SLC2A13: variants seen among roughly 807,000 people sequenced by gnomAD.
SLC2A13 encodes proton myo-inositol cotransporter.
In SLC2A13, 32 loss-of-function variants were observed where a neutral mutation model predicts 64.4. That is an observed-to-expected ratio of 0.50 (90% CI 0.37 to 0.67). The LOEUF is 0.67. SLC2A13 is among the 30% of genes least tolerant of loss of function. The pLI is 0.00. For synonymous variants in SLC2A13, 338 were observed against 327.1 expected (o/e 1.03, Z -0.36); for missense variants, 743 against 829.2 (o/e 0.90, Z 1.28).
Position 39,945,916 on chromosome 12 carries a change from G to A in SLC2A13, c.1034+5341C>T, listed in dbSNP as rs372207948. ...TGAATTAGCGTGATTTTTTGTGGGG[G>A]GGTGTTGAAGAGCCTTGTTTTGTCA... On this transcript the variant is annotated intron_variant, in intron 4 of 9. Coordinates refer to ENST00000280871, the MANE Select transcript of SLC2A13 (RefSeq NM_052885.4). 3.4e-3 allele frequency among the ~76,000 whole-genome samples: 521 copies of A among 151,844 alleles called. 3 individuals carry two copies. The highest frequency in any genetic ancestry group is 0.027 in the Middle Eastern group (8 of 292).
At chr12:39,792,498 A>G (rs1941437409) in intron 7 of SLC2A13, among the ~76,000 whole-genome samples, 1 of 152,150 alleles carries the variant, frequency 6.6e-6, no homozygotes, top group African/African-American at 2.4e-5. Context: ...GATAAGAGAC[A>G]CTGCAAGTCC....
chr12:40,053,008 G>A (rs796680052), intron 1 of SLC2A13, among the ~76,000 whole-genome samples: 35 of 152,086 alleles, frequency 2.3e-4, no homozygotes, highest in African/African-American at 8.4e-4. Context: ...CAGGCTGGGC[G>A]CAGTTTGTTC....
At chr12:39,767,362 T>C (rs1486740918) in intron 7 of SLC2A13, among the ~76,000 whole-genome samples, 2 of 151,738 alleles carry the variant, frequency 1.3e-5, no homozygotes, top group Non-Finnish European at 2.9e-5. Flanking sequence ...CTCCAAACTA[T>C]GCTGTAAATA....
intron 3 of SLC2A13, among the ~76,000 whole-genome samples, chr12:39,984,408 G>T (rs1946989240): frequency 6.6e-6 from 1 of 151,958 alleles, no homozygotes; most frequent in African/African-American, 2.4e-5. Context: ...TTTAATAAAA[G>T]AGACGGAAAT....
At chr12:39,984,803 C>A (rs1056452140) in intron 3 of SLC2A13, among the ~76,000 whole-genome samples, 1 of 152,090 alleles carries the variant, frequency 6.6e-6, no homozygotes, top group Non-Finnish European at 1.5e-5. Context: ...AACATCTTTA[C>A]GGCTTTGTAA....
At chr12:39,800,030 A>C (rs953335921) in intron 7 of SLC2A13, among the ~76,000 whole-genome samples, 6 of 152,228 alleles carry the variant, frequency 3.9e-5, no homozygotes, top group Non-Finnish European at 5.9e-5. Context: ...AATGAAAAGC[A>C]GATTTTTGCC....
intron 6 of SLC2A13, among the ~76,000 whole-genome samples, chr12:39,844,336 T>G (rs1052880701): frequency 6.6e-6 from 1 of 152,040 alleles, no homozygotes. Flanking sequence ...GAGTCAAAGT[T>G]TAATGTAAGC....
chr12:39,918,230 C>T (rs1945552064), intron 4 of SLC2A13, among the ~76,000 whole-genome samples: 1 of 152,122 alleles, frequency 6.6e-6, no homozygotes, highest in Non-Finnish European at 1.5e-5. Flanking sequence ...CAGAGGGTTA[C>T]AACCTTTTCC....
intron 2 of SLC2A13, among the ~76,000 whole-genome samples, chr12:40,045,716 A>AT (rs1324179900): frequency 6.6e-6 from 1 of 151,998 alleles, no homozygotes; most frequent in Non-Finnish European, 1.5e-5. Context: ...CTCTTATTTT[A>AT]TTTTTTCATC....
intron 7 of SLC2A13, among the ~76,000 whole-genome samples, chr12:39,821,550 G>A (rs987576544): frequency 1.3e-5 from 2 of 152,140 alleles, no homozygotes; most frequent in African/African-American, 2.4e-5. Flanking sequence ...AGCTTAATGC[G>A]TTGCTCACAC....
At chr12:39,894,327 A>T (rs1445900493) in intron 4 of SLC2A13, among the ~76,000 whole-genome samples, 1 of 152,234 alleles carries the variant, frequency 6.6e-6, no homozygotes, top group Non-Finnish European at 1.5e-5. Context: ...ATTGAATCTG[A>T]TTAGTAGAAC....
chr12:40,027,079 C>CA (rs762673381), intron 3 of SLC2A13, among the ~76,000 whole-genome samples: 4,405 of 83,516 alleles, frequency 0.053, 161 homozygotes, highest in Middle Eastern at 0.18. Flanking sequence ...GACTTCATCT[C>CA]AAAAAAAAAA....
intron 6 of SLC2A13, among the ~76,000 whole-genome samples, chr12:39,836,915 C>T (rs1275605495): frequency 9.2e-5 from 3 of 32,442 alleles, no homozygotes; most frequent in African/African-American, 5.2e-4. Flanking sequence ...CCATACTGCC[C>T]AAGGTAATTT....
At chr12:39,789,747 T>C (rs1941313842) in intron 7 of SLC2A13, among the ~76,000 whole-genome samples, 2 of 152,176 alleles carry the variant, frequency 1.3e-5, no homozygotes, top group African/African-American at 4.8e-5. Context: ...TTGATAAAAA[T>C]GGTATGCCAA....
intron 3 of SLC2A13, among the ~76,000 whole-genome samples, chr12:39,975,513 C>T (rs1946743137): frequency 6.6e-6 from 1 of 152,162 alleles, no homozygotes; most frequent in Admixed American, 6.5e-5. Context: ...AGGTAGTAGA[C>T]ATTTTCTAAA....
chr12:40,102,403 G>T (rs1939179718), intron 1 of SLC2A13, among the ~76,000 whole-genome samples: 1 of 151,872 alleles, frequency 6.6e-6, no homozygotes, highest in South Asian at 2.1e-4. Context: ...CTACCTTAAA[G>T]TGCTACCCGA....
At chr12:39,762,328 C>G (rs999233031) in intron 9 of SLC2A13, among the ~76,000 whole-genome samples, 1 of 152,048 alleles carries the variant, frequency 6.6e-6, no homozygotes, top group African/African-American at 2.4e-5. Context: ...TATTCCTCAC[C>G]TTTATTCTTC....
Position 39,976,085 on chromosome 12 carries a change from G to A in SLC2A13, c.926-24720C>T, listed in dbSNP as rs528907678. ...GCTCTGCTCAGGAGTTCATCTTTTTGTCTTCTAATGGGGCTGAAAACAGAC... is the reference window on the plus strand; with the variant it reads ...GCTCTGCTCAGGAGTTCATCTTTTTATCTTCTAATGGGGCTGAAAACAGAC... On this transcript the variant is annotated intron_variant, in intron 3 of 9. Coordinates refer to ENST00000280871, the MANE Select transcript of SLC2A13 (RefSeq NM_052885.4). Among the ~76,000 whole-genome samples, 5 of 152,304 alleles carry A rather than the reference G, an allele frequency of 3.3e-5. No homozygotes were observed. In the South Asian group the frequency reaches 1.0e-3, roughly 32 times the overall value.
rs561278560 is a variant in SLC2A13, at chr12:40,000,182, C to A, written c.925+28119G>T. On this transcript the variant is annotated intron_variant, in intron 3 of 9. Coordinates refer to ENST00000280871, the MANE Select transcript of SLC2A13 (RefSeq NM_052885.4). ...CTTCTGCCATGATTGGGAGGCTTCC[C>A]CAGCTATGTGGTACTGTAAGTCTAT... Among the ~76,000 whole-genome samples, 9 of 152,262 alleles carry A rather than the reference C, an allele frequency of 5.9e-5. No homozygotes were observed. The East Asian group carries it at 1.7e-3, about 29-fold the overall frequency.
Sources: allele counts gnomAD v4.1 joint callset (sites outside exome capture counted in the v4.1 genomes callset), GRCh38; gene constraint gnomAD v4.1.1; transcripts MANE v1.5; gene names NCBI Gene and HGNC (gene_info 2026-07-23, HGNC 2026-07-21).